The following PLGRKT variants were observed in gnomAD, a reference collection of about 807,000 sequenced individuals.
The protein encoded by PLGRKT is plasminogen receptor with a C-terminal lysine, also known as plasminogen receptor (KT).
A neutral mutation model predicts 18.5 loss-of-function variants in PLGRKT; 22 were observed. The observed-to-expected ratio is 1.19, with a 90% CI of 0.85 to 1.70. The LOEUF is 1.70. PLGRKT is among the 40% of genes most tolerant of loss of function. The pLI, the probability that PLGRKT is intolerant of heterozygous loss-of-function variation, is 0.00. For synonymous variants in PLGRKT, 72 were observed against 52.8 expected (o/e 1.36, Z -1.58); for missense variants, 235 against 174.4 (o/e 1.35, Z -1.96).
intron 3 of PLGRKT, among the ~76,000 whole-genome samples, chr9:5,412,743 G>C (rs1818389140): frequency 6.6e-6 from 1 of 152,194 alleles, no homozygotes; most frequent in Non-Finnish European, 1.5e-5. Context: ...TCAAAATGTA[G>C]AGTAAATAAA....
intron 5 of PLGRKT, among the ~76,000 whole-genome samples, chr9:5,359,899 G>C (rs1054566306): frequency 1.3e-5 from 2 of 152,082 alleles, no homozygotes; most frequent in African/African-American, 2.4e-5. Flanking sequence ...TGTTATACAT[G>C]TTCACTATAC....
chr9:5,367,014 G>GATACAC (rs1817403402), intron 3 of PLGRKT, among the ~76,000 whole-genome samples: 1 of 123,066 alleles, frequency 8.1e-6, no homozygotes, highest in African/African-American at 3.3e-5. Flanking sequence ...ACAACAGACA[G>GATACAC]ACAGATACAC....
chr9:5,361,411 T>C (rs1302283257), intron 4 of PLGRKT, among the ~76,000 whole-genome samples: 6 of 152,220 alleles, frequency 3.9e-5, no homozygotes, highest in Admixed American at 3.9e-4. Flanking sequence ...CTCATCTTTA[T>C]TTGACTCTGA....
At chr9:5,429,964 T>G (rs1291008767) in intron 3 of PLGRKT, among the ~76,000 whole-genome samples, 1 of 151,324 alleles carries the variant, frequency 6.6e-6, no homozygotes, top group Non-Finnish European at 1.5e-5. Context: ...CCTCTCCCCC[T>G]GCCACAACCC....
chr9:5,391,012 AAT>A (rs769096045), intron 3 of PLGRKT, among the ~76,000 whole-genome samples: 16 of 151,906 alleles, frequency 1.1e-4, no homozygotes, highest in Admixed American at 2.0e-4. Context: ...CTCCACCCTA[AAT>A]ATCAAAGCAG....
At position 5,437,837 on chromosome 9, in the gene PLGRKT, G is replaced by A. The variant is rs1818992784; in HGVS notation, c.-181C>T. On this transcript the variant is annotated 5_prime_UTR_variant, in exon 1 of 6. Transcript: ENST00000223864. ...AGGCGACCGGTACGCAAACCTCCAGGCCCGGGCTCCTTTCGCCCGCTGCAG... is the reference window on the plus strand; with the variant it reads ...AGGCGACCGGTACGCAAACCTCCAGACCCGGGCTCCTTTCGCCCGCTGCAG... 1 of 152,278 alleles carries A rather than the reference G, an allele frequency of 6.6e-6. No individual in the cohort carries two copies. Among genetic ancestry groups the A allele is most frequent in the Non-Finnish European group, 1.5e-5 (1 of 68,076 alleles). The allele number at this position is 152,278 out of a possible 1,614,324, so 9.4% of individuals were successfully genotyped here.
At chr9:5,423,947 T>C (rs1041078553) in intron 3 of PLGRKT, among the ~76,000 whole-genome samples, 1 of 145,442 alleles carries the variant, frequency 6.9e-6, no homozygotes, top group African/African-American at 2.6e-5. Flanking sequence ...TATATAGTAA[T>C]ATATGTAATA....
At chr9:5,403,323 A>G (rs1390475877) in intron 3 of PLGRKT, among the ~76,000 whole-genome samples, 1 of 149,424 alleles carries the variant, frequency 6.7e-6, no homozygotes, top group Non-Finnish European at 1.5e-5. Flanking sequence ...TCCCGGGTTC[A>G]AGTGATTCTC....
At chr9:5,368,445 G>A in intron 3 of PLGRKT, among the ~76,000 whole-genome samples, 1 of 152,008 alleles carries the variant, frequency 6.6e-6, no homozygotes, top group Admixed American at 6.6e-5. Context: ...TATGGATGCA[G>A]CTGGAGGCCA....
chr9:5,403,475 T>A (rs1818196368), intron 3 of PLGRKT, among the ~76,000 whole-genome samples: 1 of 152,188 alleles, frequency 6.6e-6, no homozygotes, highest in Admixed American at 6.5e-5. Context: ...TCCGCCTGCC[T>A]CGGCCTCCCA....
intron 3 of PLGRKT, among the ~76,000 whole-genome samples, chr9:5,379,220 C>T (rs1205260518): frequency 6.6e-6 from 1 of 151,972 alleles, no homozygotes; most frequent in East Asian, 1.9e-4. Context: ...AAATATAATA[C>T]CCAGGAAGAA....
intron 3 of PLGRKT, among the ~76,000 whole-genome samples, chr9:5,369,956 G>C (rs1050877108): frequency 6.6e-6 from 1 of 152,108 alleles, no homozygotes; most frequent in African/African-American, 2.4e-5. Flanking sequence ...GGGGACTAGG[G>C]GAGGGATAGC....
intron 3 of PLGRKT, among the ~76,000 whole-genome samples, chr9:5,428,282 C>G (rs1164676568): frequency 1.3e-5 from 2 of 152,182 alleles, no homozygotes; most frequent in African/African-American, 4.8e-5. Flanking sequence ...AGTCCCCAAT[C>G]CTCCCCTGCC....
intron 3 of PLGRKT, among the ~76,000 whole-genome samples, chr9:5,385,120 C>A (rs1005791015): frequency 3.3e-5 from 5 of 152,074 alleles, no homozygotes; most frequent in Non-Finnish European, 5.9e-5. Flanking sequence ...CCCAGTGATA[C>A]TGAAAGCCTG....
At chr9:5,377,501 A>AT (rs1270959491) in intron 3 of PLGRKT, among the ~76,000 whole-genome samples, 1 of 152,170 alleles carries the variant, frequency 6.6e-6, no homozygotes, top group Admixed American at 6.5e-5. Context: ...AGCTAACAAT[A>AT]TTTTTTAAAA....
chr9:5,405,290 G>A (rs777069307), intron 3 of PLGRKT, among the ~76,000 whole-genome samples: 6 of 152,090 alleles, frequency 3.9e-5, no homozygotes, highest in Non-Finnish European at 8.8e-5. Flanking sequence ...AAAAGAGCTC[G>A]CATAGCCAAG....
chr9:5,375,447 A>G (rs1406790147), intron 3 of PLGRKT, among the ~76,000 whole-genome samples: 1 of 152,210 alleles, frequency 6.6e-6, no homozygotes, highest in African/African-American at 2.4e-5. Flanking sequence ...CCAGTATCAA[A>G]TAAAACAGAA....
intron 3 of PLGRKT, among the ~76,000 whole-genome samples, chr9:5,419,778 G>A (rs1199360094): frequency 6.6e-6 from 1 of 152,226 alleles, no homozygotes; most frequent in Non-Finnish European, 1.5e-5. Flanking sequence ...CAGCGGGAAT[G>A]TAAAAAACTG....
chr9:5,412,470 G>C (rs1238922984), intron 3 of PLGRKT, among the ~76,000 whole-genome samples: 1 of 152,182 alleles, frequency 6.6e-6, no homozygotes, highest in African/African-American at 2.4e-5. Flanking sequence ...CATGAGAGTA[G>C]GTTTGTTATC....
Sources: gnomAD v4.1 joint callset for allele counts (sites outside exome capture counted in the v4.1 genomes callset) on GRCh38, gnomAD v4.1.1 for gene constraint, MANE v1.5 for transcripts, NCBI Gene and HGNC (gene_info 2026-07-23, HGNC 2026-07-21) for gene names.